The following PLEKHA2 variants were observed in gnomAD, a reference collection of about 807,000 sequenced individuals.
PLEKHA2 encodes pleckstrin homology domain-containing family A member 2.
PLEKHA2 carries 28 observed loss-of-function variants against 53.2 expected under a neutral mutation model. The ratio of observed to expected loss-of-function variants is 0.53; its 90% CI spans 0.39 to 0.72. PLEKHA2 has a LOEUF of 0.72. Among genes scored for constraint, PLEKHA2 ranks in the 30% least tolerant of loss-of-function variants. The pLI is 0.00. For missense variants in PLEKHA2, 426 were observed against 537.9 expected, an observed-to-expected ratio of 0.79 and a Z score of 2.06; for synonymous variants, 193 against 196.4, an observed-to-expected ratio of 0.98 and a Z score of 0.14.
chr8:38,927,483 GT>G (rs1486221469), intron 2 of PLEKHA2, among the ~76,000 whole-genome samples: 1 of 152,278 alleles, frequency 6.6e-6, no homozygotes, highest in Non-Finnish European at 1.5e-5. Flanking sequence ...TCCAGCCTGA[GT>G]TACAGAGCAA....
intron 10 of PLEKHA2, among the ~76,000 whole-genome samples, chr8:38,958,896 C>T (rs1013497846): frequency 2.0e-5 from 3 of 152,084 alleles, no homozygotes; most frequent in South Asian, 2.1e-4. Flanking sequence ...TGTGGCATGG[C>T]GCAGGGGAGG....
In PLEKHA2 at chr8:38,969,610, C is replaced by T. The variant is rs370269834; in HGVS notation, c.1105C>T (p.Pro369Ser). 1.9e-5 allele frequency: 31 copies of T among 1,607,128 alleles called. No homozygotes were observed. Among genetic ancestry groups the T allele is most frequent in the Non-Finnish European group, 2.5e-5 (29 of 1,176,814 alleles). ...CCCCCAGGCTGGGGAGAAGCTGCTT[C>T]CACCTGGAGACACTTCAGAGGACTC... is the stretch of plus-strand genomic sequence containing the variant. ...PVPQAGEKLL[P>S]PGDTSEDSLF... Residue 369 changes from proline (P) to serine (S), a missense_variant, in exon 12 of 12, where the codon CCA becomes TCA. Pro to Ser is a moderately conservative substitution (Grantham distance 74). Coordinates refer to ENST00000617275, the MANE Select transcript of PLEKHA2 (RefSeq NM_021623.2).
intron 2 of PLEKHA2, among the ~76,000 whole-genome samples, chr8:38,925,234 G>C (rs1371299997): frequency 6.6e-6 from 1 of 152,106 alleles, no homozygotes; most frequent in Non-Finnish European, 1.5e-5. Context: ...TGGCACTAGC[G>C]CTTGTATTTT....
rs933955606 is a variant in PLEKHA2 at position 38,969,924 on chromosome 8, G to A, written c.*141G>A. On this transcript the variant is annotated 3_prime_UTR_variant, in exon 12 of 12. Coordinates refer to ENST00000617275, the MANE Select transcript of PLEKHA2 (RefSeq NM_021623.2). Reference sequence around the variant, plus strand: ...CCTGTGGATGCTCTTTGGGAGGGAGGGGCCCATCCAGCTGGGCTGTGTGTG... The same window carrying A: ...CCTGTGGATGCTCTTTGGGAGGGAGAGGCCCATCCAGCTGGGCTGTGTGTG... 1.7e-6 allele frequency: 2 copies of A among 1,205,692 alleles called. No homozygotes were observed. 74.7% of individuals were successfully genotyped at this position (1,205,692 alleles called of 1,614,324 possible).
chr8:38,930,347 G>A (rs190328499), intron 2 of PLEKHA2, among the ~76,000 whole-genome samples: 80 of 152,234 alleles, frequency 5.3e-4, no homozygotes, highest in Non-Finnish European at 9.9e-4. Context: ...GATTACAGGC[G>A]CATGCCACTA....
chr8:38,958,894 G>A (rs1173148333), intron 10 of PLEKHA2, among the ~76,000 whole-genome samples: 1 of 152,186 alleles, frequency 6.6e-6, no homozygotes, highest in Non-Finnish European at 1.5e-5. Context: ...ACTGTGGCAT[G>A]GCGCAGGGGA....
intron 10 of PLEKHA2, among the ~76,000 whole-genome samples, 182 bp downstream of exon 10, chr8:38,957,568 C>G (rs1312903478): frequency 6.6e-6 from 1 of 152,152 alleles, no homozygotes; most frequent in Non-Finnish European, 1.5e-5. Flanking sequence ...CAAAAGCTTC[C>G]CAACCATAAA....
chr8:38,958,566 C>T (rs1018980996), intron 10 of PLEKHA2, among the ~76,000 whole-genome samples: 11 of 152,180 alleles, frequency 7.2e-5, no homozygotes, highest in African/African-American at 2.7e-4. Context: ...GTAACTTAGT[C>T]ATCTCGGGGC....
chr8:38,965,236 G>A (rs1835114227), intron 10 of PLEKHA2, among the ~76,000 whole-genome samples: 1 of 152,130 alleles, frequency 6.6e-6, no homozygotes, highest in Non-Finnish European at 1.5e-5. Flanking sequence ...GCAGAGGCTG[G>A]GTGAAGACAC....
At chr8:38,906,302 T>C (rs1833872785) in intron 1 of PLEKHA2, among the ~76,000 whole-genome samples, 1 of 152,238 alleles carries the variant, frequency 6.6e-6, no homozygotes, top group South Asian at 2.1e-4. Context: ...TTTCTTTGAA[T>C]GTAGATGAGG....
intron 2 of PLEKHA2, among the ~76,000 whole-genome samples, chr8:38,933,892 A>G (rs2129418668): frequency 6.6e-6 from 1 of 152,152 alleles, no homozygotes; most frequent in South Asian, 2.1e-4. Context: ...TCTGGCTGTA[A>G]GAGGCAGCTC....
At chr8:38,958,442 G>C (rs1237856565) in intron 10 of PLEKHA2, among the ~76,000 whole-genome samples, 1 of 152,204 alleles carries the variant, frequency 6.6e-6, no homozygotes, top group Non-Finnish European at 1.5e-5. Context: ...TCTGGGCCTC[G>C]AGTGTCACTC....
At chr8:38,921,480 G>A (rs1310717220) in intron 2 of PLEKHA2, among the ~76,000 whole-genome samples, 1 of 152,164 alleles carries the variant, frequency 6.6e-6, no homozygotes, top group African/African-American at 2.4e-5. Flanking sequence ...GGACCACAGT[G>A]GCACCATCTT....
chr8:38,918,835 C>G (rs1266848059), intron 2 of PLEKHA2, among the ~76,000 whole-genome samples: 1 of 152,190 alleles, frequency 6.6e-6, no homozygotes, highest in Non-Finnish European at 1.5e-5. Context: ...AGAAAACCAT[C>G]TCAGATCTTA....
intron 1 of PLEKHA2, among the ~76,000 whole-genome samples, chr8:38,910,707 A>T (rs1833942158): frequency 6.6e-6 from 1 of 152,228 alleles, no homozygotes; most frequent in African/African-American, 2.4e-5. Flanking sequence ...CTTTCCATGT[A>T]AAAGAAGAAA....
In PLEKHA2 at chr8:38,907,510, G is replaced by C. The variant is rs200775375; in HGVS notation, c.-24+6065G>C. Among the ~76,000 whole-genome samples the C allele has an allele frequency of 1.3e-4, 20 of 152,252 alleles. No individual in the cohort carries two copies. The East Asian group carries it at 2.5e-3, about 19-fold the overall frequency. On this transcript the variant is annotated intron_variant, in intron 1 of 11. Coordinates refer to ENST00000617275, the MANE Select transcript of PLEKHA2 (RefSeq NM_021623.2). ...TAAATCTATCTGGCTGGGCACAGTG[G>C]CTCATGCCTATAATCCCAGCACTTT...
intron 6 of PLEKHA2, among the ~76,000 whole-genome samples, chr8:38,951,469 G>GTT (rs144541661): frequency 0.017 from 1,604 of 91,744 alleles, 3 homozygotes; most frequent in African/African-American, 0.019. Flanking sequence ...ATTTATTTAA[G>GTT]TTTTTTTTTT....
In PLEKHA2 at chr8:38,969,523, G is replaced by C; in HGVS notation, c.1018G>C (p.Glu340Gln). Residue 340 changes from glutamate to glutamine, a missense_variant, in exon 12 of 12, where the codon GAA becomes CAA. Transcript: ENST00000617275. The part of the protein sequence containing the change: ...ILCRGRPPLE[E>Q]KKALCKAPSV... ...GTGCAGGGGGCGGCCACCTTTGGAGGAAAAGAAAGCCCTCTGCAAAGCCCC... is the reference window on the plus strand; with the variant it reads ...GTGCAGGGGGCGGCCACCTTTGGAGCAAAAGAAAGCCCTCTGCAAAGCCCC... 1 of 1,613,458 alleles carries C rather than the reference G, an allele frequency of 6.2e-7. No homozygotes were observed. Among genetic ancestry groups the C allele is most frequent in the South Asian group, 1.1e-5 (1 of 90,960 alleles).
intron 5 of PLEKHA2, among the ~76,000 whole-genome samples, chr8:38,947,566 G>A (rs1240979507): frequency 6.6e-6 from 1 of 151,842 alleles, no homozygotes; most frequent in Non-Finnish European, 1.5e-5. Flanking sequence ...GAGGCTGCAG[G>A]GAGTTATGAT....
Sources: gnomAD v4.1 joint callset for allele counts (sites outside exome capture counted in the v4.1 genomes callset) on GRCh38, gnomAD v4.1.1 for gene constraint, MANE v1.5 for transcripts, NCBI Gene and HGNC (gene_info 2026-07-23, HGNC 2026-07-21) for gene names.